Variants in FCRL5 observed in about 807,000 individuals in gnomAD.
FCRL5 encodes the protein Fc receptor-like protein 5.
Under a neutral mutation model 92.1 loss-of-function variants are expected in FCRL5, and 79 were observed. That is an observed-to-expected ratio of 0.86 (90% CI 0.72 to 1.03). The LOEUF is 1.03. Ranked by LOEUF, FCRL5 falls within the 50% of genes least tolerant of loss-of-function variation. FCRL5 has a pLI of 0.00. For missense variants in FCRL5, 1,160 were observed against 1,181.1 expected, an observed-to-expected ratio of 0.98 and a Z score of 0.26; for synonymous variants, 466 against 469.3, an observed-to-expected ratio of 0.99 and a Z score of 0.09.
intron 10 of FCRL5, chr1:157,521,678 G>A (rs1049371433): frequency 1.3e-5 from 2 of 156,762 alleles, no homozygotes; most frequent in African/African-American, 2.4e-5. Flanking sequence ...ATATGCCCTT[G>A]GTGGTAATAC....
intron 15 of FCRL5, among the ~76,000 whole-genome samples, chr1:157,517,931 C>G (rs1440050141): frequency 1.3e-5 from 2 of 150,192 alleles, no homozygotes; most frequent in East Asian, 3.9e-4. Context: ...ATCTCTCCCT[C>G]TCTCTCTGCT....
At chr1:157,541,585 T>C (rs190836242) in intron 6 of FCRL5, among the ~76,000 whole-genome samples, 50 of 152,342 alleles carry the variant, frequency 3.3e-4, no homozygotes, top group African/African-American at 1.2e-3. Flanking sequence ...ATGTTCCCAC[T>C]CATCCTCAGG....
chr1:157,529,913 A>G (rs188125045), intron 8 of FCRL5, among the ~76,000 whole-genome samples: 202 of 152,330 alleles, frequency 1.3e-3, no homozygotes, highest in African/African-American at 4.4e-3. Context: ...ATTACTACTA[A>G]AGAAGTTACT....
chr1:157,525,406 T>C (rs1650383693), intron 9 of FCRL5, among the ~76,000 whole-genome samples: 1 of 152,210 alleles, frequency 6.6e-6, no homozygotes, highest in Non-Finnish European at 1.5e-5. Context: ...AGCATCACAC[T>C]GAGAAGATTC....
intron 9 of FCRL5, 62 bp downstream of exon 9, chr1:157,527,555 C>T: frequency 1.4e-6 from 2 of 1,469,600 alleles, no homozygotes; most frequent in South Asian, 2.9e-5. Flanking sequence ...CTGATCTTGG[C>T]TACTGGTAAA....
chr1:157,542,820 T>C, intron 6 of FCRL5, 39 bp downstream of exon 6: 1 of 1,589,226 alleles, frequency 6.3e-7, no homozygotes, highest in Non-Finnish European at 8.6e-7. Flanking sequence ...GCAGGACTCT[T>C]GGCCAGGGGT....
chr1:157,544,193 C>A, intron 5 of FCRL5, 69 bp downstream of exon 5: 1 of 1,548,482 alleles, frequency 6.5e-7, no homozygotes, highest in South Asian at 1.2e-5. Flanking sequence ...GTGACCCACG[C>A]TGATATGCAG....
chr1:157,520,815 G>A (rs1466481960), intron 11 of FCRL5, among the ~76,000 whole-genome samples: 1 of 152,234 alleles, frequency 6.6e-6, no homozygotes, highest in Non-Finnish European at 1.5e-5. Flanking sequence ...TGGCGCTCTT[G>A]CGCCCAGCCC....
intron 1 of FCRL5, among the ~76,000 whole-genome samples, chr1:157,552,039 C>T (rs1478615175): frequency 6.6e-6 from 1 of 152,122 alleles, no homozygotes; most frequent in African/African-American, 2.4e-5. Context: ...AAACATGAAA[C>T]ATTCTCTGGA....
chr1:157,515,885 G>A lies in FCRL5; in HGVS notation c.2813-12C>T, dbSNP rs1439012110. 8 of 1,613,390 alleles carry A rather than the reference G, an allele frequency of 5.0e-6. No homozygotes were observed. The African/African-American group carries it at 5.3e-5, about 11-fold the overall frequency. On this transcript the variant is annotated splice_polypyrimidine_tract_variant and intron_variant, in intron 15 of 16. Transcript: ENST00000361835. The stretch of plus-strand genomic sequence containing the variant: ...GGGGTCAGAGGCCACTGTGGAAAGA[G>A]GAAAGTGTTCAGTTGTGGAAGACTG...
At chr1:157,535,078 T>C (rs1237779787) in intron 7 of FCRL5, among the ~76,000 whole-genome samples, 186 bp from the exon 8 acceptor site, 2 of 152,320 alleles carry the variant, frequency 1.3e-5, no homozygotes, top group East Asian at 1.9e-4. Context: ...TATCTGTTCA[T>C]CTTTCCAGGA....
rs1649884924 is a variant in FCRL5, at chr1:157,515,638, G to A, written c.*37C>T. ...TCTCCCCCAAGGGGAACTTTGGGGTGCAGAGGCTGAAACAGCAGTTGGAGA... is the reference window on the plus strand; with the variant it reads ...TCTCCCCCAAGGGGAACTTTGGGGTACAGAGGCTGAAACAGCAGTTGGAGA... On this transcript the variant is annotated 3_prime_UTR_variant, in exon 17 of 17. Transcript: ENST00000361835. 3 of 1,614,178 alleles carry A rather than the reference G, an allele frequency of 1.9e-6. No homozygotes were observed. Among genetic ancestry groups the A allele is most frequent in the South Asian group, 2.2e-5 (2 of 91,064 alleles).
At chr1:157,537,705 C>T (rs1309096805) in intron 7 of FCRL5, among the ~76,000 whole-genome samples, 1 of 152,128 alleles carries the variant, frequency 6.6e-6, no homozygotes, top group Non-Finnish European at 1.5e-5. Context: ...TGTGATGTCG[C>T]CCCCGGACAC....
intron 8 of FCRL5, among the ~76,000 whole-genome samples, chr1:157,531,090 G>A (rs1035527776): frequency 2.0e-5 from 3 of 152,122 alleles, no homozygotes; most frequent in African/African-American, 7.2e-5. Context: ...CTGACAAGGT[G>A]TTAACATCCA....
At chr1:157,549,113 TG>T (rs1417345067) in intron 2 of FCRL5, among the ~76,000 whole-genome samples, 1 of 151,862 alleles carries the variant, frequency 6.6e-6, no homozygotes, top group East Asian at 1.9e-4. Flanking sequence ...CCATAAAAAA[TG>T]ATGAGTTCAT....
chr1:157,536,019 G>T (rs1267046526), intron 7 of FCRL5, among the ~76,000 whole-genome samples: 1 of 133,084 alleles, frequency 7.5e-6, no homozygotes, highest in Non-Finnish European at 1.5e-5. Context: ...TCAGCTCACT[G>T]CAAACTTTGC....
At chr1:157,541,684 C>T (rs756429237) in intron 6 of FCRL5, 2 of 152,252 alleles carry the variant, frequency 1.3e-5, no homozygotes, top group African/African-American at 2.4e-5. Context: ...CTGCAGCCAC[C>T]AGGTGCTTCT....
chr1:157,519,407 G>T (rs1380132015), intron 13 of FCRL5, among the ~76,000 whole-genome samples: 3 of 152,304 alleles, frequency 2.0e-5, no homozygotes, highest in African/African-American at 4.8e-5. Flanking sequence ...AGATTTCTAG[G>T]TTGACTGAGC....
chr1:157,552,230 G>T, intron 1 of FCRL5, 102 bp downstream of exon 1: 2 of 1,140,210 alleles, frequency 1.8e-6, no homozygotes, highest in South Asian at 1.2e-5. Context: ...GTAGGAGAGA[G>T]TCTCTCAGCA....
Sources: allele counts gnomAD v4.1 joint callset (sites outside exome capture counted in the v4.1 genomes callset), GRCh38; gene constraint gnomAD v4.1.1; transcripts MANE v1.5; gene names NCBI Gene and HGNC (gene_info 2026-07-23, HGNC 2026-07-21).